SHQ1: variants seen among roughly 807,000 people sequenced by gnomAD.
SHQ1 encodes protein SHQ1 homolog.
SHQ1 carries 49 observed loss-of-function variants against 53.8 expected under a neutral mutation model. The observed-to-expected ratio is 0.91, with a 90% CI of 0.72 to 1.16. The LOEUF (loss-of-function observed/expected upper bound fraction) is 1.16. Ranked by LOEUF, SHQ1 falls within the 50% of genes most tolerant of loss-of-function variation. SHQ1 has a pLI of 0.00. For missense variants in SHQ1, 738 were observed against 683.1 expected, an observed-to-expected ratio of 1.08 and a Z score of -0.90; for synonymous variants, 243 against 251.0, an observed-to-expected ratio of 0.97 and a Z score of 0.30.
At chr3:72,776,879 G>T (rs1271382317) in intron 10 of SHQ1, among the ~76,000 whole-genome samples, 1 of 151,536 alleles carries the variant, frequency 6.6e-6, no homozygotes, top group African/African-American at 2.4e-5. Flanking sequence ...CAGTGGGGCT[G>T]AACAGACAAC....
At chr3:72,760,578 A>G (rs2106717214) in intron 10 of SHQ1, among the ~76,000 whole-genome samples, 1 of 152,324 alleles carries the variant, frequency 6.6e-6, no homozygotes, top group South Asian at 2.1e-4. Flanking sequence ...TTAAACTGGA[A>G]GAGTTGCTAC....
At chr3:72,820,662 C>A (rs1196807864) in intron 6 of SHQ1, among the ~76,000 whole-genome samples, 4 of 152,174 alleles carry the variant, frequency 2.6e-5, no homozygotes, top group African/African-American at 7.2e-5. Flanking sequence ...TGATTGCCAC[C>A]ATGAATAACA....
chr3:72,812,537 T>G, intron 9 of SHQ1, 134 bp downstream of exon 9: 1 of 938,648 alleles, frequency 1.1e-6, no homozygotes, highest in Non-Finnish European at 1.6e-6. Context: ...AATTCTATAC[T>G]TTAAAAGTGG....
intron 10 of SHQ1, among the ~76,000 whole-genome samples, chr3:72,772,034 C>T (rs1346937419): frequency 6.6e-6 from 1 of 152,066 alleles, no homozygotes; most frequent in Non-Finnish European, 1.5e-5. Context: ...TAAAGGCTTA[C>T]GAAAGAGAAG....
chr3:72,799,967 A>T (rs557669371), intron 9 of SHQ1, among the ~76,000 whole-genome samples: 100 of 152,258 alleles, frequency 6.6e-4, no homozygotes, highest in Non-Finnish European at 1.2e-3. Flanking sequence ...TATACCTGAC[A>T]TACCCCTCTA....
intron 9 of SHQ1, among the ~76,000 whole-genome samples, chr3:72,806,102 A>T (rs1254402609): frequency 6.6e-6 from 1 of 152,202 alleles, no homozygotes; most frequent in African/African-American, 2.4e-5. Context: ...CTCTGAGGTT[A>T]AATAATACAT....
At chr3:72,837,023 A>G (rs1708021400) in intron 4 of SHQ1, among the ~76,000 whole-genome samples, 1 of 152,190 alleles carries the variant, frequency 6.6e-6, no homozygotes, top group African/African-American at 2.4e-5. Context: ...CAGGGCCAGC[A>G]AGCCTGGCGT....
chr3:72,782,831 C>G (rs1043647964), intron 10 of SHQ1, among the ~76,000 whole-genome samples: 1 of 152,206 alleles, frequency 6.6e-6, no homozygotes, highest in Admixed American at 6.5e-5. Flanking sequence ...ATGATAACCA[C>G]ACATATGCCA....
rs181831448 is a variant in SHQ1, at chr3:72,769,243, C to T, written c.1182-18407G>A. Among the ~76,000 whole-genome samples, 9 of 152,304 alleles carry T rather than the reference C, an allele frequency of 5.9e-5. No individual in the cohort carries two copies. The East Asian group carries it at 1.7e-3, about 29-fold the overall frequency. On this transcript the variant is annotated intron_variant, in intron 10 of 10. Coordinates refer to ENST00000325599, the MANE Select transcript of SHQ1 (RefSeq NM_018130.3). Reference sequence around the variant, plus strand: ...CCATGTGGGGATGTGGGCCCAGCAACTGCCAGAACTTCCGTTATTTCAAGA... The same window carrying T: ...CCATGTGGGGATGTGGGCCCAGCAATTGCCAGAACTTCCGTTATTTCAAGA...
At chr3:72,736,813 A>G in the SHQ1 span, among the ~76,000 whole-genome samples, 1 of 148,694 alleles carries the variant, frequency 6.7e-6, no homozygotes, top group Non-Finnish European at 1.5e-5. Flanking sequence ...AAAAAAAGAA[A>G]TTAAAAGATC....
intron 10 of SHQ1, among the ~76,000 whole-genome samples, chr3:72,769,164 G>A (rs919955558): frequency 2.6e-5 from 4 of 152,142 alleles, no homozygotes; most frequent in Non-Finnish European, 5.9e-5. Context: ...GCAGAATGGA[G>A]AGCACTTGTC....
chr3:72,763,980 T>C (rs1705664448), intron 10 of SHQ1, among the ~76,000 whole-genome samples: 1 of 151,740 alleles, frequency 6.6e-6, no homozygotes, highest in African/African-American at 2.4e-5. Context: ...TTAGAAAGCA[T>C]TGCATAGTAT....
Position 72,749,975 on chromosome 3 carries a change from G to A in SHQ1, c.*309C>T, listed in dbSNP as rs923936765. 2 of 337,966 alleles carry A rather than the reference G, an allele frequency of 5.9e-6. No individual in the cohort carries two copies. The highest frequency in any genetic ancestry group is 2.1e-5 in the African/African-American group (1 of 46,892). 20.9% of individuals were successfully genotyped at this position (337,966 alleles called of 1,614,324 possible). A position where few individuals can be genotyped will look rare whatever the true frequency, so the allele number is the denominator to read the frequency against. On this transcript the variant is annotated 3_prime_UTR_variant, in exon 11 of 11. Coordinates refer to ENST00000325599, the MANE Select transcript of SHQ1 (RefSeq NM_018130.3). The stretch of plus-strand genomic sequence containing the variant: ...GCATATAACCTACCCACATCCTCCT[G>A]CACAGTTTAAATCATCACTAGATTA...
intron 10 of SHQ1, among the ~76,000 whole-genome samples, chr3:72,767,035 C>T (rs1705745636): frequency 6.6e-6 from 1 of 152,202 alleles, no homozygotes; most frequent in Admixed American, 6.5e-5. Context: ...CAGATCTAAT[C>T]TAAAGCCCTA....
intron 10 of SHQ1, among the ~76,000 whole-genome samples, chr3:72,766,850 C>A (rs1000481607): frequency 5.9e-5 from 9 of 152,288 alleles, no homozygotes; most frequent in African/African-American, 2.2e-4. Flanking sequence ...GGTTGTCCAG[C>A]GGGCTTCACA....
At chr3:72,813,405 G>T (rs1350693740) in intron 8 of SHQ1, among the ~76,000 whole-genome samples, 1 of 149,026 alleles carries the variant, frequency 6.7e-6, no homozygotes, top group East Asian at 2.0e-4. Flanking sequence ...GGCAGAGGCT[G>T]CAGTGAGTCA....
the SHQ1 span, among the ~76,000 whole-genome samples, chr3:72,733,547 C>T: frequency 6.6e-6 from 1 of 151,642 alleles, no homozygotes; most frequent in Non-Finnish European, 1.5e-5. Context: ...GAGCTCCAGC[C>T]CCAAGCCTAG....
At chr3:72,809,523 A>T (rs1346864065) in intron 9 of SHQ1, 1 of 152,192 alleles carries the variant, frequency 6.6e-6, no homozygotes, top group Non-Finnish European at 1.5e-5. Flanking sequence ...CTTCCATCCC[A>T]TCCCATCCTA....
At chr3:72,735,155 C>G in the SHQ1 span, among the ~76,000 whole-genome samples, 1 of 151,794 alleles carries the variant, frequency 6.6e-6, no homozygotes, top group South Asian at 2.1e-4. Flanking sequence ...TCCTTTAGAG[C>G]CTTTCATAAT....
Sources: allele counts gnomAD v4.1 joint callset (sites outside exome capture counted in the v4.1 genomes callset), GRCh38; gene constraint gnomAD v4.1.1; transcripts MANE v1.5; gene names NCBI Gene and HGNC (gene_info 2026-07-23, HGNC 2026-07-21).